Variants in TMEM132D observed in about 807,000 individuals in gnomAD.
TMEM132D encodes the protein mature OL transmembrane protein.
In TMEM132D, 21 loss-of-function variants were observed where a neutral mutation model predicts 62.3. The ratio of observed to expected loss-of-function variants is 0.34; its 90% CI spans 0.24 to 0.49. The LOEUF is 0.49. Ranked by LOEUF, TMEM132D falls within the 20% of genes least tolerant of loss-of-function variation. The pLI, the probability that TMEM132D is intolerant of heterozygous loss-of-function variation, is 0.99. For missense variants in TMEM132D, 1,346 were observed against 1,402.8 expected (o/e 0.96, Z 0.65); for synonymous variants, 621 against 575.6 (o/e 1.08, Z -1.13).
At chr12:129,514,615 T>G (rs1875619120) in intron 3 of TMEM132D, among the ~76,000 whole-genome samples, 1 of 152,216 alleles carries the variant, frequency 6.6e-6, no homozygotes, top group African/African-American at 2.4e-5. Context: ...TGTTCATTCA[T>G]CCCGAACATT....
intron 1 of TMEM132D, among the ~76,000 whole-genome samples, chr12:129,726,123 C>T (rs979998873): frequency 1.3e-5 from 2 of 152,166 alleles, no homozygotes; most frequent in Admixed American, 6.5e-5. Flanking sequence ...GAATTAAAGG[C>T]CTCCTGTGTG....
At chr12:129,833,583 C>A (rs992075640) in intron 1 of TMEM132D, among the ~76,000 whole-genome samples, 1 of 152,142 alleles carries the variant, frequency 6.6e-6, no homozygotes, top group Non-Finnish European at 1.5e-5. Context: ...TGTGATCACG[C>A]CACTGTTCTC....
chr12:129,256,745 C>T (rs181166796), intron 4 of TMEM132D, among the ~76,000 whole-genome samples: 113 of 152,156 alleles, frequency 7.4e-4, no homozygotes, highest in African/African-American at 2.2e-3. Flanking sequence ...TTAGTAGAGA[C>T]GGGGTTTCAC....
chr12:129,439,543 G>A (rs1375667559), intron 3 of TMEM132D, among the ~76,000 whole-genome samples: 1 of 152,040 alleles, frequency 6.6e-6, no homozygotes, highest in Admixed American at 6.6e-5. Flanking sequence ...TCCCCCTCCT[G>A]GGTTCAAGTG....
intron 1 of TMEM132D, among the ~76,000 whole-genome samples, chr12:129,718,729 C>T (rs751146475): frequency 5.3e-5 from 8 of 152,110 alleles, no homozygotes; most frequent in African/African-American, 1.9e-4. Context: ...AGCCATTTGC[C>T]GGCTTTCCCT....
intron 3 of TMEM132D, among the ~76,000 whole-genome samples, chr12:129,499,698 C>T (rs1875068102): frequency 1.3e-5 from 2 of 152,180 alleles, no homozygotes; most frequent in Admixed American, 1.3e-4. Flanking sequence ...ACAGTGGAAA[C>T]ATGGCTTGGG....
chr12:129,513,483 T>C (rs926295978), intron 3 of TMEM132D, among the ~76,000 whole-genome samples: 2 of 151,534 alleles, frequency 1.3e-5, no homozygotes, highest in African/African-American at 4.8e-5. Context: ...AAAAACAGGT[T>C]TGTTTGTTTG....
rs564847058 is a variant in TMEM132D at position 129,245,865 on chromosome 12, G to A, written c.1300-36202C>T. 3.9e-5 allele frequency among the ~76,000 whole-genome samples: 6 copies of A among 152,214 alleles called. No homozygotes were observed. In the East Asian group the frequency reaches 7.7e-4, roughly 20 times the overall value. ...TGTTTTAAAAGAAACAGAGTTAGTC[G>A]CCACCCTATAAATAAAGATGTTTCA... On this transcript the variant is annotated intron_variant, in intron 4 of 8. Coordinates refer to ENST00000422113, the MANE Select transcript of TMEM132D (RefSeq NM_133448.3).
chr12:129,652,934 C>T (rs1879968684), intron 2 of TMEM132D, among the ~76,000 whole-genome samples: 1 of 152,186 alleles, frequency 6.6e-6, no homozygotes, highest in Non-Finnish European at 1.5e-5. Flanking sequence ...CACCCACTGT[C>T]TCAGAAGGCA....
At chr12:129,898,818 T>C (rs1875235540) in intron 1 of TMEM132D, among the ~76,000 whole-genome samples, 1 of 152,212 alleles carries the variant, frequency 6.6e-6, no homozygotes, top group Non-Finnish European at 1.5e-5. Flanking sequence ...CAGCACGGTA[T>C]GGGGTGCATT....
At chr12:129,861,069 T>C (rs1484340733) in intron 1 of TMEM132D, among the ~76,000 whole-genome samples, 3 of 152,208 alleles carry the variant, frequency 2.0e-5, no homozygotes, top group African/African-American at 7.2e-5. Flanking sequence ...CTATGTTATG[T>C]TTTTAACCTT....
At chr12:129,121,280 G>C (rs1254495359) in intron 5 of TMEM132D, among the ~76,000 whole-genome samples, 1 of 152,132 alleles carries the variant, frequency 6.6e-6, no homozygotes, top group East Asian at 1.9e-4. Context: ...ATTTTTAGTA[G>C]AGACAGGGTT....
At chr12:129,789,188 A>G (rs574354016) in intron 1 of TMEM132D, among the ~76,000 whole-genome samples, 13 of 152,066 alleles carry the variant, frequency 8.5e-5, no homozygotes, top group African/African-American at 3.1e-4. Flanking sequence ...ACTCTACCCA[A>G]CGTGTAGTCT....
intron 1 of TMEM132D, among the ~76,000 whole-genome samples, chr12:129,819,360 A>C (rs752209576): frequency 2.0e-5 from 3 of 152,190 alleles, no homozygotes; most frequent in Admixed American, 6.5e-5. Context: ...TAATTGAATA[A>C]ATAAGATATA....
chr12:129,122,188 A>G (rs1876086681), intron 5 of TMEM132D, among the ~76,000 whole-genome samples: 1 of 152,236 alleles, frequency 6.6e-6, no homozygotes, highest in Non-Finnish European at 1.5e-5. Context: ...TGTGGGCCAC[A>G]CGGCCTACTG....
chr12:129,686,646 C>T (rs1199266345), intron 2 of TMEM132D, among the ~76,000 whole-genome samples: 1 of 152,164 alleles, frequency 6.6e-6, no homozygotes, highest in Non-Finnish European at 1.5e-5. Context: ...TCTAAGGACA[C>T]AGTGGAAGAT....
intron 3 of TMEM132D, among the ~76,000 whole-genome samples, chr12:129,524,925 T>C (rs1875970721): frequency 1.0e-5 from 1 of 98,748 alleles, no homozygotes; most frequent in African/African-American, 4.4e-5. Context: ...TTTTTCTTTT[T>C]TCTTTTTTTT....
At chr12:129,642,094 T>C (rs1473331464) in intron 2 of TMEM132D, among the ~76,000 whole-genome samples, 2 of 152,092 alleles carry the variant, frequency 1.3e-5, no homozygotes, top group Non-Finnish European at 2.9e-5. Context: ...CCAGGAGGCC[T>C]GCAGCTACAC....
chr12:129,876,192 G>A (rs1444386849), intron 1 of TMEM132D, among the ~76,000 whole-genome samples: 1 of 151,992 alleles, frequency 6.6e-6, no homozygotes, highest in African/African-American at 2.4e-5. Flanking sequence ...TACTAAAGCA[G>A]CAAGAAGTGA....
Sources: gnomAD v4.1 joint callset for allele counts (sites outside exome capture counted in the v4.1 genomes callset) on GRCh38, gnomAD v4.1.1 for gene constraint, MANE v1.5 for transcripts, NCBI Gene and HGNC (gene_info 2026-07-23, HGNC 2026-07-21) for gene names.